ZNF628: variants seen among roughly 807,000 people sequenced by gnomAD.
ZNF628 encodes the protein zinc finger protein 628.
Under a neutral mutation model 2.5 loss-of-function variants are expected in ZNF628, and 3 were observed. That is an observed-to-expected ratio of 1.19 (90% CI 0.54 to 3.07). The LOEUF is 3.07. Among genes scored for constraint, ZNF628 ranks in the 30% most tolerant of loss-of-function variants. ZNF628 has a pLI of 0.03. For synonymous variants in ZNF628, 861 were observed against 717.1 expected, an observed-to-expected ratio of 1.20 and a Z score of -3.21; for missense variants, 1,610 against 1,517.1, an observed-to-expected ratio of 1.06 and a Z score of -1.02.
rs759095500 is a variant in ZNF628, at chr19:55,481,915, C to A, written c.722C>A (p.Pro241His). The change falls in exon 3 of 3, where the codon CCC (proline) becomes CAC (histidine). Residue 241 changes from proline to histidine, a missense_variant. Transcript: ENST00000598519. ...GGTACCGCCTCCGCGGCCCCGCCCC[C>A]CCAGTCCCGGGAGCCCGGCAAGGTC... is the stretch of plus-strand genomic sequence containing the variant. Reference protein sequence around the residue: ...APGTASAAPPPQSREPGKVFV... With the variant: ...APGTASAAPPHQSREPGKVFV... 2 of 1,482,318 alleles carry A rather than the reference C, an allele frequency of 1.3e-6. No homozygotes were observed. Among genetic ancestry groups the A allele is most frequent in the Non-Finnish European group, 1.8e-6 (2 of 1,120,744 alleles). The allele number at this position is 1,482,318 out of a possible 1,614,324, so 91.8% of individuals were successfully genotyped here. A position where few individuals can be genotyped will look rare whatever the true frequency, so the allele number is the denominator to read the frequency against.
rs1005627360 is a variant in ZNF628 at position 55,481,544 on chromosome 19, G to C, written c.351G>C (p.Leu117=). The C allele has an allele frequency of 1.7e-5, 28 of 1,613,050 alleles. No individual in the cohort carries two copies. In the East Asian group the frequency reaches 6.2e-4, roughly 36 times the overall value. Residue 117 remains leucine (L), a synonymous_variant, in exon 3 of 3, where the codon CTG becomes CTC. Transcript: ENST00000598519. The part of the protein sequence containing the change: ...LQIHRSVHTG[L]RAFICGQCGL... ...TCCACCGTAGCGTGCACACCGGCCTGCGGGCCTTCATCTGCGGCCAGTGCG... is the reference window on the plus strand; with the variant it reads ...TCCACCGTAGCGTGCACACCGGCCTCCGGGCCTTCATCTGCGGCCAGTGCG...
rs1986722025 is a variant in ZNF628 at position 55,481,928 on chromosome 19, G to T, written c.735G>T (p.Glu245Asp). The change falls in exon 3 of 3, where the codon GAG becomes GAT. Residue 245 changes from glutamate to aspartate, a missense_variant. This residue lies in a region of ZNF628 where 651 missense variants were observed against 575.6 expected (regional missense o/e 1.13). Coordinates refer to ENST00000598519, the MANE Select transcript of ZNF628 (RefSeq NM_033113.3). ...ASAAPPPQSR[E>D]PGKVFVCDAY... is the part of the protein sequence containing the mutation. ...CGGCCCCGCCCCCCCAGTCCCGGGAGCCCGGCAAGGTCTTCGTGTGCGACG... is the reference window on the plus strand; with the variant it reads ...CGGCCCCGCCCCCCCAGTCCCGGGATCCCGGCAAGGTCTTCGTGTGCGACG... 6.8e-7 allele frequency: 1 copy of T among 1,476,852 alleles called. No individual in the cohort carries two copies. 91.5% of individuals were successfully genotyped at this position (1,476,852 alleles called of 1,614,324 possible).
intron 1 of ZNF628, among the ~76,000 whole-genome samples, chr19:55,478,160 A>C (rs1403477866): frequency 6.6e-6 from 1 of 152,212 alleles, no homozygotes; most frequent in Non-Finnish European, 1.5e-5. Flanking sequence ...CCTGCAGTGC[A>C]CAGGACAGCC....
chr19:55,482,493 G>A lies in ZNF628; in HGVS notation c.1300G>A (p.Ala434Thr), dbSNP rs748724985. 338 of 1,446,234 alleles carry A rather than the reference G, an allele frequency of 2.3e-4. No homozygotes were observed. Among genetic ancestry groups the A allele is most frequent in the Admixed American group, 3.3e-4 (13 of 38,864 alleles). 89.6% of individuals were successfully genotyped at this position (1,446,234 alleles called of 1,614,324 possible). ...GGTGACCTGCCCCCAGGAACCGCTG[G>A]CGCCTGCCGCCCCCGTCCCGCCGCC... ...AEVTCPQEPL[A>T]PAAPVPPPPP... Residue 434 changes from alanine to threonine, a missense_variant, in exon 3 of 3, where the codon GCG becomes ACG. Ala to Thr is a moderately conservative substitution (Grantham distance 58). Transcript: ENST00000598519.
chr19:55,481,828 C>T lies in ZNF628; in HGVS notation c.635C>T (p.Thr212Ile). The part of the protein sequence containing the change: ...RPFRCPLCPK[T>I]FTHSSNLLLH... ...TTCCGCTGCCCGCTCTGCCCCAAGA[C>T]CTTCACCCACTCCTCCAACCTGCTG... is the stretch of plus-strand genomic sequence containing the variant. Residue 212 changes from threonine (T) to isoleucine (I), a missense_variant, in exon 3 of 3, where the codon ACC becomes ATC. Coordinates refer to ENST00000598519, the MANE Select transcript of ZNF628 (RefSeq NM_033113.3). The T allele has an allele frequency of 3.1e-6, 5 of 1,596,198 alleles. No individual in the cohort carries two copies. The highest frequency in any genetic ancestry group is 4.3e-6 in the Non-Finnish European group (5 of 1,172,850).
At position 55,482,650 on chromosome 19, in the gene ZNF628, A is replaced by G. The variant is rs767722816; in HGVS notation, c.1457A>G (p.Glu486Gly). 2 of 1,609,296 alleles carry G rather than the reference A, an allele frequency of 1.2e-6. No individual in the cohort carries two copies. The highest frequency in any genetic ancestry group is 1.7e-6 in the Non-Finnish European group (2 of 1,178,588). Residue 486 changes from glutamate to glycine, a missense_variant, in exon 3 of 3, where the codon GAG (glutamate) becomes GGG (glycine). Around this residue, in one of 5 missense-constraint regions of ZNF628, gnomAD observed 651 missense variants for 575.6 expected, o/e 1.13. Transcript: ENST00000598519. ...HTGERPYQCG[E>G]CGKAFKRSSL... The stretch of plus-strand genomic sequence containing the variant: ...GGCGAGCGGCCCTACCAGTGTGGCG[A>G]GTGCGGCAAGGCCTTCAAGCGCTCC...
At position 55,478,818 on chromosome 19, in the gene ZNF628, A is replaced by C. The variant is rs527773756; in HGVS notation, c.-77-1016A>C. The stretch of plus-strand genomic sequence containing the variant: ...AGGGGCAATCGAGAGAGAGGAGGCG[A>C]GGAGCCTTTGGCCTGAGGAAGAAGA... On this transcript the variant is annotated intron_variant, in intron 1 of 2. Coordinates refer to ENST00000598519, the MANE Select transcript of ZNF628 (RefSeq NM_033113.3). 2.2e-4 allele frequency among the ~76,000 whole-genome samples: 33 copies of C among 152,316 alleles called. No homozygotes were observed. In the South Asian group the frequency reaches 2.5e-3, roughly 11 times the overall value.
At position 55,483,424 on chromosome 19, in the gene ZNF628, T is replaced by C. The variant is rs1289522001; in HGVS notation, c.2231T>C (p.Leu744Pro). 20 of 1,519,880 alleles carry C rather than the reference T, an allele frequency of 1.3e-5. No individual in the cohort carries two copies. The highest frequency in any genetic ancestry group is 1.7e-5 in the Non-Finnish European group (19 of 1,135,954). 94.1% of individuals were successfully genotyped at this position (1,519,880 alleles called of 1,614,324 possible). A position where few individuals can be genotyped will look rare whatever the true frequency, so the allele number is the denominator to read the frequency against. ...CCTCCCGCACCTCCCAAGCTCATCC[T>C]GCTGCCCTCCTCCAGTGCTGGGGCT... is the stretch of plus-strand genomic sequence containing the variant. ...PPPPAPPKLI[L>P]LPSSSAGAGG... The change falls in exon 3 of 3, where the codon CTG becomes CCG. Residue 744 changes from leucine (L) to proline (P), a missense_variant. By Grantham distance (98) the Leu-to-Pro change is moderately conservative (BLOSUM62 -3). Transcript: ENST00000598519.
Position 55,481,232 on chromosome 19 carries a change from G to A in ZNF628, c.39G>A (p.Ala13=). Residue 13 remains alanine (A), a synonymous_variant, in exon 3 of 3, where the codon GCG becomes GCA. Coordinates refer to ENST00000598519, the MANE Select transcript of ZNF628 (RefSeq NM_033113.3). ...GVMVGSHADM[A]PASTAEGAGE... ...TGGTCGGCTCCCACGCGGACATGGC[G>A]CCGGCCTCTACTGCGGAGGGGGCCG... 6.4e-7 allele frequency: 1 copy of A among 1,571,092 alleles called. No homozygotes were observed.
At chr19:55,477,077 C>T (rs1476684665) in intron 1 of ZNF628, among the ~76,000 whole-genome samples, 1 of 152,216 alleles carries the variant, frequency 6.6e-6, no homozygotes, top group African/African-American at 2.4e-5. Context: ...TCATTAAAGG[C>T]CAGTGACCGT....
rs751725945 is a variant in ZNF628, at chr19:55,483,133, C to G, written c.1940C>G (p.Ala647Gly). 6.3e-7 allele frequency: 1 copy of G among 1,586,868 alleles called. No individual in the cohort carries two copies. Among genetic ancestry groups the G allele is most frequent in the South Asian group, 1.1e-5 (1 of 88,972 alleles). The change falls in exon 3 of 3, where the codon GCC (alanine) becomes GGC (glycine). Residue 647 changes from alanine to glycine, a missense_variant. Around this residue, in one of 5 missense-constraint regions of ZNF628, gnomAD observed 712 missense variants for 603.6 expected, o/e 1.18. Coordinates refer to ENST00000598519, the MANE Select transcript of ZNF628 (RefSeq NM_033113.3). Reference protein sequence around the residue: ...LQRHLRTHAPANTPPSTTAPA... With the variant: ...LQRHLRTHAPGNTPPSTTAPA... ...CGGCACCTGAGGACGCACGCCCCGG[C>G]CAACACGCCTCCCAGCACCACAGCC... is the stretch of plus-strand genomic sequence containing the variant.
rs568061373 is a variant in ZNF628, at chr19:55,483,743, A to G, written c.2550A>G (p.Glu850=). The G allele has an allele frequency of 5.6e-6, 9 of 1,612,776 alleles. No homozygotes were observed. The highest frequency in any genetic ancestry group is 2.5e-6 in the Non-Finnish European group (3 of 1,179,258). The change falls in exon 3 of 3, where the codon GAA becomes GAG. Residue 850 remains glutamate, a synonymous_variant. Transcript: ENST00000598519. ...VTTVQLQPAQ[E]VTTVQLQPAQ... ...CAGTCCAGCTCCAGCCAGCACAGGAAGTAACCACGGTCCAGCTCCAGCCAG... is the reference window on the plus strand; with the variant it reads ...CAGTCCAGCTCCAGCCAGCACAGGAGGTAACCACGGTCCAGCTCCAGCCAG...
Position 55,483,543 on chromosome 19 carries a change from G to A in ZNF628, c.2350G>A (p.Val784Met), listed in dbSNP as rs1217864744. ...GCTGCCAGGCCCTGGGGGTCTAGGG[G>A]TGCAGGGAGCGGCCAGCGCTGGGGC... ...VWLPGPGGLGVQGAASAGASG... is the reference protein window; with the variant it reads ...VWLPGPGGLGMQGAASAGASG... The change falls in exon 3 of 3, where the codon GTG becomes ATG. Residue 784 changes from valine to methionine, a missense_variant. This residue lies in a region of ZNF628 where 712 missense variants were observed against 603.6 expected (regional missense o/e 1.18). Transcript: ENST00000598519. 1.4e-5 allele frequency: 22 copies of A among 1,584,118 alleles called. No homozygotes were observed. The highest frequency in any genetic ancestry group is 2.2e-5 in the East Asian group (1 of 44,622).
chr19:55,479,946 A>T lies in ZNF628; in HGVS notation c.7+29A>T. The T allele has an allele frequency of 2.5e-6, 1 of 399,298 alleles. No homozygotes were observed. The highest frequency in any genetic ancestry group is 4.4e-6 in the Non-Finnish European group (1 of 226,220). The allele number at this position is 399,298 out of a possible 1,614,324, so 24.7% of individuals were successfully genotyped here. ...GTCACCTGGGGAGTGCATGGGCCAGAGACATGTAGTGTGAGCCAGGGAGGG... is the reference window on the plus strand; with the variant it reads ...GTCACCTGGGGAGTGCATGGGCCAGTGACATGTAGTGTGAGCCAGGGAGGG... On this transcript the variant is annotated intron_variant, in intron 2 of 2. Transcript: ENST00000598519. The surrounding 1 kb of genome is among the most constrained non-coding windows in gnomAD (Gnocchi z 5.1).
At position 55,483,554 on chromosome 19, in the gene ZNF628, G is replaced by A. The variant is rs371277334; in HGVS notation, c.2361G>A (p.Ala787=). ...CTGGGGGTCTAGGGGTGCAGGGAGC[G>A]GCCAGCGCTGGGGCCAGCGGGACAG... ...PGPGGLGVQG[A]ASAGASGTGQ... The change falls in exon 3 of 3, where the codon GCG becomes GCA. Residue 787 remains alanine (A), a synonymous_variant. Coordinates refer to ENST00000598519, the MANE Select transcript of ZNF628 (RefSeq NM_033113.3). 8.2e-6 allele frequency: 13 copies of A among 1,591,970 alleles called. No individual in the cohort carries two copies. In the Admixed American group the frequency reaches 1.2e-4, roughly 14 times the overall value.
chr19:55,477,989 C>T (rs1986603254), intron 1 of ZNF628, among the ~76,000 whole-genome samples: 1 of 152,136 alleles, frequency 6.6e-6, no homozygotes, highest in African/African-American at 2.4e-5. Context: ...TATATAGTAG[C>T]GGTTCTCATC....
chr19:55,481,548 G>C lies in ZNF628; in HGVS notation c.355G>C (p.Ala119Pro), dbSNP rs180681662. The part of the protein sequence containing the change: ...IHRSVHTGLR[A>P]FICGQCGLAF... Reference sequence around the variant, plus strand: ...CCGTAGCGTGCACACCGGCCTGCGGGCCTTCATCTGCGGCCAGTGCGGCCT... The same window carrying C: ...CCGTAGCGTGCACACCGGCCTGCGGCCCTTCATCTGCGGCCAGTGCGGCCT... Residue 119 changes from alanine (A) to proline (P), a missense_variant, in exon 3 of 3, where the codon GCC becomes CCC. Coordinates refer to ENST00000598519, the MANE Select transcript of ZNF628 (RefSeq NM_033113.3). 1.2e-6 allele frequency: 2 copies of C among 1,611,092 alleles called. No individual in the cohort carries two copies. The highest frequency in any genetic ancestry group is 1.7e-6 in the Non-Finnish European group (2 of 1,179,300).
Position 55,483,936 on chromosome 19 carries a change from A to G in ZNF628, c.2743A>G (p.Ser915Gly). 1 of 1,574,416 alleles carries G rather than the reference A, an allele frequency of 6.4e-7. No homozygotes were observed. The highest frequency in any genetic ancestry group is 8.6e-7 in the Non-Finnish European group (1 of 1,159,136). ...GPGEAGDGEA[S>G]TGVVQDVLFE... The stretch of plus-strand genomic sequence containing the variant: ...CGGGGAGGCGGGGGATGGCGAGGCC[A>G]GCACTGGTGTGGTCCAGGATGTCCT... The change falls in exon 3 of 3, where the codon AGC (serine) becomes GGC (glycine). Residue 915 changes from serine (S) to glycine (G), a missense_variant. Coordinates refer to ENST00000598519, the MANE Select transcript of ZNF628 (RefSeq NM_033113.3).
Position 55,482,164 on chromosome 19 carries a change from A to G in ZNF628, c.971A>G (p.Gln324Arg). 4.0e-6 allele frequency: 6 copies of G among 1,496,090 alleles called. No homozygotes were observed. Among genetic ancestry groups the G allele is most frequent in the Non-Finnish European group, 5.3e-6 (6 of 1,127,464 alleles). 92.7% of individuals were successfully genotyped at this position (1,496,090 alleles called of 1,614,324 possible). The change falls in exon 3 of 3, where the codon CAG (glutamine) becomes CGG (arginine). Residue 324 changes from glutamine (Q) to arginine (R), a missense_variant. Gln to Arg is a conservative substitution (Grantham distance 43, BLOSUM62 1). Coordinates refer to ENST00000598519, the MANE Select transcript of ZNF628 (RefSeq NM_033113.3). ...TGCCCCGGGCCCGATGCGGCGCCCC[A>G]GCCCCAGGAGGCACCCGCCGAGGCG... The part of the protein sequence containing the change: ...QPCPGPDAAP[Q>R]PQEAPAEAPK...
Sources: gnomAD v4.1 joint callset for allele counts (sites outside exome capture counted in the v4.1 genomes callset) on GRCh38, gnomAD v4.1.1 for gene constraint, gnomAD v4.1.1 regional missense constraint, Gnocchi (gnomAD v3.1) non-coding constraint, MANE v1.5 for transcripts, NCBI Gene and HGNC (gene_info 2026-07-23, HGNC 2026-07-21) for gene names.